CHN1: variants seen among roughly 807,000 people sequenced by gnomAD.
The protein encoded by CHN1 is chimerin 1.
In CHN1, 37 loss-of-function variants were observed where a neutral mutation model predicts 59.5. The ratio of observed to expected loss-of-function variants is 0.62; its 90% CI spans 0.48 to 0.82. The LOEUF (loss-of-function observed/expected upper bound fraction) is 0.82, where lower values mean the gene tolerates loss of function less well. Among genes scored for constraint, CHN1 ranks in the 40% least tolerant of loss-of-function variants. The pLI is 0.00. For missense variants in CHN1, 469 were observed against 571.0 expected (o/e 0.82, Z 1.82); for synonymous variants, 206 against 200.4 (o/e 1.03, Z -0.24).
chr2:174,988,168 CTAA>C (rs1691412406), intron 1 of CHN1, among the ~76,000 whole-genome samples: 1 of 151,988 alleles, frequency 6.6e-6, no homozygotes, highest in Non-Finnish European at 1.5e-5. Context: ...ACCATCCTGG[CTAA>C]CACGGTGAAA....
At chr2:174,918,384 C>A in intron 4 of CHN1, 150 bp downstream of exon 4, 1 of 502,862 alleles carries the variant, frequency 2.0e-6, no homozygotes. Context: ...ATATTGTTCA[C>A]CAATTAGATC....
At position 174,895,186 on chromosome 2, in the gene CHN1, A is replaced by ATG. The variant is rs574252092; in HGVS notation, c.261-17060_261-17059dup. 6.7e-4 allele frequency among the ~76,000 whole-genome samples: 85 copies of ATG among 126,230 alleles called. 1 individual carries two copies. The East Asian group carries it at 0.01, about 15-fold the overall frequency. 82.8% of individuals were successfully genotyped at this position (126,230 alleles called of 152,430 possible). On this transcript the variant is annotated intron_variant, in intron 5 of 12. Coordinates refer to ENST00000409900, the MANE Select transcript of CHN1 (RefSeq NM_001822.7). ...TGTGGTTATATATAGGAGTATATAT[A>ATG]TGTGTGTGTGTGTATATATATATAT...
At chr2:174,931,161 T>C (rs966965888) in intron 3 of CHN1, among the ~76,000 whole-genome samples, 9 of 151,130 alleles carry the variant, frequency 6.0e-5, no homozygotes, top group African/African-American at 1.7e-4. Context: ...CTTTGAGTGA[T>C]AGGATGATTT....
intron 5 of CHN1, among the ~76,000 whole-genome samples, chr2:174,892,156 C>T (rs1450963733): frequency 6.6e-6 from 1 of 152,154 alleles, no homozygotes; most frequent in Non-Finnish European, 1.5e-5. Context: ...CAGTGAAAAA[C>T]TCTACCAAAC....
chr2:174,872,621 C>T (rs187543603), intron 6 of CHN1, among the ~76,000 whole-genome samples: 2 of 152,156 alleles, frequency 1.3e-5, no homozygotes, highest in Admixed American at 1.3e-4. Context: ...AGAGATAGAG[C>T]TATCACCATA....
chr2:174,897,431 G>GTT (rs146709265), intron 5 of CHN1, among the ~76,000 whole-genome samples: 3,965 of 151,772 alleles, frequency 0.026, 197 homozygotes, highest in African/African-American at 0.091. Context: ...GCTTGTGTGT[G>GTT]TGTGTGTGTG....
chr2:174,839,363 G>A (rs561946188), intron 7 of CHN1, among the ~76,000 whole-genome samples: 136 of 152,204 alleles, frequency 8.9e-4, no homozygotes, highest in African/African-American at 3.1e-3. Context: ...AAATCCTGCC[G>A]TATATGACAC....
At chr2:174,865,415 C>G (rs1687187675) in intron 6 of CHN1, among the ~76,000 whole-genome samples, 3 of 152,116 alleles carry the variant, frequency 2.0e-5, no homozygotes, top group African/African-American at 7.2e-5. Context: ...TATGATGTCA[C>G]TCCCAAAAAT....
chr2:174,867,320 T>C (rs1301824085), intron 6 of CHN1, among the ~76,000 whole-genome samples: 1 of 151,296 alleles, frequency 6.6e-6, no homozygotes, highest in Non-Finnish European at 1.5e-5. Context: ...GAGGTTGCAG[T>C]GAGCCGAGAT....
intron 7 of CHN1, among the ~76,000 whole-genome samples, chr2:174,825,284 G>A (rs897854382): frequency 6.6e-6 from 1 of 151,934 alleles, no homozygotes. Flanking sequence ...CTTATTGATG[G>A]GTCACATCAG....
chr2:174,975,316 C>T (rs909823892), intron 1 of CHN1, among the ~76,000 whole-genome samples: 5 of 151,908 alleles, frequency 3.3e-5, no homozygotes, highest in African/African-American at 1.2e-4. Context: ...AATATCCAAG[C>T]CTACTAAAAC....
At chr2:174,911,701 C>T (rs1688707086) in intron 5 of CHN1, among the ~76,000 whole-genome samples, 1 of 152,220 alleles carries the variant, frequency 6.6e-6, no homozygotes, top group Admixed American at 6.5e-5. Context: ...AGCACACATA[C>T]AATACACACT....
At chr2:174,856,016 G>A (rs1413970315) in intron 6 of CHN1, among the ~76,000 whole-genome samples, 1 of 151,986 alleles carries the variant, frequency 6.6e-6, no homozygotes, top group African/African-American at 2.4e-5. Context: ...AATTTCTGGA[G>A]CATTTATATT....
At chr2:174,885,973 A>C (rs62183350) in intron 5 of CHN1, among the ~76,000 whole-genome samples, 2,943 of 152,358 alleles carry the variant, frequency 0.019, 42 homozygotes, top group Non-Finnish European at 0.03. Flanking sequence ...TGTTTGAATA[A>C]TAGACTTGGC....
Position 174,999,978 on chromosome 2 carries a change from C to T in CHN1, c.19+4916G>A, listed in dbSNP as rs989799013. 5.9e-5 allele frequency among the ~76,000 whole-genome samples: 9 copies of T among 152,218 alleles called. No individual in the cohort carries two copies. The East Asian group carries it at 9.6e-4, about 16-fold the overall frequency. On this transcript the variant is annotated intron_variant, in intron 1 of 12. Coordinates refer to ENST00000409900, the MANE Select transcript of CHN1 (RefSeq NM_001822.7). Reference sequence around the variant, plus strand: ...AGATGTGACTCAAAAGACTGCAGTGCCAACATTCCTCTACAGTGTACACAG... The same window carrying T: ...AGATGTGACTCAAAAGACTGCAGTGTCAACATTCCTCTACAGTGTACACAG...
chr2:174,973,613 A>ATTT (rs1690829373), intron 1 of CHN1, among the ~76,000 whole-genome samples: 1 of 152,178 alleles, frequency 6.6e-6, no homozygotes, highest in African/African-American at 2.4e-5. Flanking sequence ...GAGGAAGAGA[A>ATTT]GTTACACATT....
At chr2:174,997,756 G>A (rs1691755006) in intron 1 of CHN1, among the ~76,000 whole-genome samples, 1 of 152,148 alleles carries the variant, frequency 6.6e-6, no homozygotes, top group Non-Finnish European at 1.5e-5. Context: ...AAAAGGCCGG[G>A]TGTGGTGGCT....
At chr2:174,947,551 C>T (rs939298676) in intron 2 of CHN1, among the ~76,000 whole-genome samples, 1 of 150,300 alleles carries the variant, frequency 6.7e-6, no homozygotes, top group African/African-American at 2.5e-5. Flanking sequence ...GTGGCACACA[C>T]ATGACTCACT....
chr2:174,946,028 T>C (rs1689826503), intron 2 of CHN1, among the ~76,000 whole-genome samples: 1 of 152,016 alleles, frequency 6.6e-6, no homozygotes, highest in Admixed American at 6.6e-5. Flanking sequence ...AGTACTTCTA[T>C]GCAAAGGGGA....
Sources: gnomAD v4.1 joint callset for allele counts (sites outside exome capture counted in the v4.1 genomes callset) on GRCh38, gnomAD v4.1.1 for gene constraint, MANE v1.5 for transcripts, NCBI Gene and HGNC (gene_info 2026-07-23, HGNC 2026-07-21) for gene names.